CTNNA2: variants seen among roughly 807,000 people sequenced by gnomAD.
CTNNA2 encodes the protein catenin alpha-2.
A neutral mutation model predicts 101.0 loss-of-function variants in CTNNA2; 42 were observed. That is an observed-to-expected ratio of 0.42 (90% CI 0.32 to 0.54). The LOEUF (loss-of-function observed/expected upper bound fraction) is 0.54, where lower values mean the gene tolerates loss of function less well. Ranked by LOEUF, CTNNA2 falls within the 20% of genes least tolerant of loss-of-function variation. The pLI is 0.14. For missense variants in CTNNA2, 871 were observed against 1,223.1 expected (o/e 0.71, Z 4.29); for synonymous variants, 450 against 456.4 (o/e 0.99, Z 0.18).
chr2:80,629,201 A>G (rs1267992034), intron 18 of CTNNA2, among the ~76,000 whole-genome samples: 2 of 151,908 alleles, frequency 1.3e-5, no homozygotes, highest in East Asian at 3.9e-4. Context: ...TATCATGTCT[A>G]CCCCAAGGAA....
intron 4 of CTNNA2, among the ~76,000 whole-genome samples, chr2:79,470,279 G>A (rs543490865): frequency 1.3e-5 from 2 of 152,244 alleles, no homozygotes; most frequent in African/African-American, 2.4e-5. Context: ...TAGGCGGGAG[G>A]AGCATTTGAA....
chr2:79,257,592 AAAG>A (rs1376646992), intron 2 of CTNNA2, among the ~76,000 whole-genome samples: 6 of 152,112 alleles, frequency 3.9e-5, no homozygotes, highest in African/African-American at 1.2e-4. Context: ...AAAAGAAAAA[AAAG>A]AAGAAAGTGG....
chr2:79,286,613 C>T (rs200917240), intron 2 of CTNNA2, among the ~76,000 whole-genome samples: 15 of 150,292 alleles, frequency 1.0e-4, no homozygotes, highest in Admixed American at 2.7e-4. Context: ...GAGTTTCTGC[C>T]GAGAGATCTG....
At chr2:80,233,457 T>C (rs1027070506) in intron 7 of CTNNA2, among the ~76,000 whole-genome samples, 1 of 152,176 alleles carries the variant, frequency 6.6e-6, no homozygotes, top group African/African-American at 2.4e-5. Flanking sequence ...CTTATCTCAA[T>C]TGCAGCTGCT....
chr2:79,658,681 C>CT (rs34602367), intron 2 of CTNNA2, among the ~76,000 whole-genome samples: 33 of 151,240 alleles, frequency 2.2e-4, no homozygotes, highest in Middle Eastern at 3.4e-3. Context: ...AAATTTTGTT[C>CT]TTTTTTTTTA....
intron 4 of CTNNA2, among the ~76,000 whole-genome samples, chr2:79,417,492 G>T (rs1678496296): frequency 6.6e-6 from 1 of 152,164 alleles, no homozygotes; most frequent in African/African-American, 2.4e-5. Context: ...GACTGAATCA[G>T]CAAGTGTTTC....
intron 8 of CTNNA2, among the ~76,000 whole-genome samples, chr2:80,418,635 T>C (rs1426888993): frequency 6.6e-6 from 1 of 152,240 alleles, no homozygotes. Context: ...TGAATGCTCC[T>C]GGATAGGTAT....
chr2:79,973,081 C>T (rs529292687), intron 7 of CTNNA2, among the ~76,000 whole-genome samples: 1 of 151,996 alleles, frequency 6.6e-6, no homozygotes, highest in Non-Finnish European at 1.5e-5. Flanking sequence ...AAAAACAATC[C>T]GTTTTTTTTT....
intron 7 of CTNNA2, among the ~76,000 whole-genome samples, chr2:80,377,832 C>G (rs1032921875): frequency 6.6e-6 from 1 of 152,148 alleles, no homozygotes; most frequent in Non-Finnish European, 1.5e-5. Flanking sequence ...TCTGGAAGAA[C>G]TAAGATTTTG....
At chr2:79,287,080 T>G (rs1202062659) in intron 2 of CTNNA2, among the ~76,000 whole-genome samples, 1 of 152,232 alleles carries the variant, frequency 6.6e-6, no homozygotes, top group African/African-American at 2.4e-5. Flanking sequence ...CTTCACGTAG[T>G]TCTCGAGCCT....
chr2:80,594,988 TGCCTTGAGA>T (rs1696828011), intron 15 of CTNNA2, among the ~76,000 whole-genome samples: 2 of 152,120 alleles, frequency 1.3e-5, no homozygotes, highest in African/African-American at 4.8e-5. Flanking sequence ...CTATTTGTGT[TGCCTTGAGA>T]GTCCATGTGA....
intron 9 of CTNNA2, among the ~76,000 whole-genome samples, chr2:80,449,788 C>A (rs1173440364): frequency 6.6e-6 from 1 of 152,160 alleles, no homozygotes; most frequent in Non-Finnish European, 1.5e-5. Context: ...ATGTGCCTTT[C>A]TGTAGCTCAC....
intron 7 of CTNNA2, among the ~76,000 whole-genome samples, chr2:80,148,767 C>G (rs549673005): frequency 6.6e-6 from 1 of 152,234 alleles, no homozygotes; most frequent in Admixed American, 6.5e-5. Flanking sequence ...TAAAACCAAA[C>G]TCTCCTAGGC....
chr2:80,041,710 A>G (rs755828614), intron 7 of CTNNA2, among the ~76,000 whole-genome samples: 1 of 152,194 alleles, frequency 6.6e-6, no homozygotes, highest in Non-Finnish European at 1.5e-5. Flanking sequence ...CATAAAACAA[A>G]TTAGAGGGTA....
intron 7 of CTNNA2, among the ~76,000 whole-genome samples, chr2:80,248,164 T>A (rs942545971): frequency 6.6e-6 from 1 of 152,114 alleles, no homozygotes; most frequent in African/African-American, 2.4e-5. Flanking sequence ...TAAGAAACTC[T>A]CTCACCATTC....
intron 1 of CTNNA2, among the ~76,000 whole-genome samples, chr2:79,189,269 G>A (rs890442626): frequency 6.6e-6 from 1 of 151,924 alleles, no homozygotes; most frequent in African/African-American, 2.4e-5. Context: ...TTGATAATTT[G>A]TCCTTTCTTT....
chr2:80,520,987 A>G (rs1689495032), intron 9 of CTNNA2, among the ~76,000 whole-genome samples: 1 of 152,164 alleles, frequency 6.6e-6, no homozygotes, highest in Non-Finnish European at 1.5e-5. Flanking sequence ...GTATTACTAC[A>G]TGGCCAGGGG....
At chr2:80,461,793 G>A (rs1403005577) in intron 9 of CTNNA2, among the ~76,000 whole-genome samples, 1 of 151,888 alleles carries the variant, frequency 6.6e-6, no homozygotes, top group African/African-American at 2.4e-5. Context: ...ACCAAATAAT[G>A]TCGACTTTTT....
intron 7 of CTNNA2, among the ~76,000 whole-genome samples, chr2:80,175,899 A>G (rs552801527): frequency 1.3e-5 from 2 of 152,350 alleles, no homozygotes; most frequent in East Asian, 3.9e-4. Context: ...AGCATCCAGC[A>G]CAGGAGAAAG....
Sources: allele counts gnomAD v4.1 joint callset (sites outside exome capture counted in the v4.1 genomes callset), GRCh38; gene constraint gnomAD v4.1.1; transcripts MANE v1.5; gene names NCBI Gene and HGNC (gene_info 2026-07-23, HGNC 2026-07-21).